SGCD: variants seen among roughly 807,000 people sequenced by gnomAD.
SGCD encodes the protein delta-sarcoglycan.
SGCD carries 18 observed loss-of-function variants against 36.6 expected under a neutral mutation model. The observed-to-expected ratio is 0.49, with a 90% CI of 0.34 to 0.73. The LOEUF is 0.73. SGCD is among the 30% of genes least tolerant of loss of function. SGCD has a pLI of 0.01. For synonymous variants in SGCD, 133 were observed against 130.6 expected (o/e 1.02, Z -0.12); for missense variants, 387 against 346.7 (o/e 1.12, Z -0.92).
At chr5:156,459,025 A>G (rs1433953832) in intron 3 of SGCD, among the ~76,000 whole-genome samples, 2 of 152,180 alleles carry the variant, frequency 1.3e-5, no homozygotes, top group South Asian at 2.1e-4. Flanking sequence ...CTTATTTTTC[A>G]TTCAACAGAA....
At chr5:155,894,419 G>A (rs115592135) in intron 1 of SGCD, among the ~76,000 whole-genome samples, 2,170 of 152,278 alleles carry the variant, frequency 0.014, 23 homozygotes, top group Non-Finnish European at 0.022. Flanking sequence ...TGTCACACGA[G>A]CCTTTGAGAT....
At chr5:156,498,407 T>A (rs1756296791) in intron 3 of SGCD, among the ~76,000 whole-genome samples, 1 of 152,168 alleles carries the variant, frequency 6.6e-6, no homozygotes, top group Admixed American at 6.6e-5. Flanking sequence ...TTCTGTCACC[T>A]CAGTAAAATC....
intron 1 of SGCD, among the ~76,000 whole-genome samples, chr5:155,873,805 G>A (rs1408361619): frequency 6.6e-6 from 1 of 151,968 alleles, no homozygotes; most frequent in Non-Finnish European, 1.5e-5. Context: ...CTCACCAGGG[G>A]GAAAAGTACT....
At chr5:156,542,562 C>A (rs1359079389) in intron 4 of SGCD, among the ~76,000 whole-genome samples, 1 of 152,158 alleles carries the variant, frequency 6.6e-6, no homozygotes, top group Non-Finnish European at 1.5e-5. Flanking sequence ...AGGCAATATG[C>A]ATTATACATA....
chr5:156,606,694 C>T (rs192371024), intron 6 of SGCD, among the ~76,000 whole-genome samples: 308 of 152,264 alleles, frequency 2.0e-3, no homozygotes, highest in African/African-American at 7.0e-3. Context: ...AAATGTTCTT[C>T]CATTTCTTTG....
intron 3 of SGCD, among the ~76,000 whole-genome samples, chr5:156,489,605 A>G (rs1755849612): frequency 1.3e-5 from 2 of 152,158 alleles, no homozygotes; most frequent in African/African-American, 4.8e-5. Flanking sequence ...TGGAAATTAA[A>G]CAACATGCTT....
intron 7 of SGCD, among the ~76,000 whole-genome samples, chr5:156,745,320 TC>T (rs1456881254): frequency 1.3e-5 from 2 of 152,168 alleles, no homozygotes; most frequent in Non-Finnish European, 2.9e-5. Context: ...CTTGATAACT[TC>T]AAACTGGCCT....
the SGCD span, among the ~76,000 whole-genome samples, chr5:155,768,686 T>G: frequency 6.6e-6 from 1 of 152,140 alleles, no homozygotes; most frequent in South Asian, 2.1e-4. Flanking sequence ...GAAAATCACT[T>G]GTCTCCTAGA....
intron 3 of SGCD, among the ~76,000 whole-genome samples, chr5:156,290,006 G>T (rs1766715267): frequency 6.6e-6 from 1 of 152,056 alleles, no homozygotes. Context: ...TATAGGCAGG[G>T]GCAATTAGAG....
chr5:156,332,954 C>T (rs1272027662), intron 2 of SGCD, among the ~76,000 whole-genome samples: 1 of 152,100 alleles, frequency 6.6e-6, no homozygotes, highest in African/African-American at 2.4e-5. Context: ...TAAATTATTC[C>T]TCAATAGATG....
At chr5:156,255,835 T>G (rs1237073830) in intron 3 of SGCD, among the ~76,000 whole-genome samples, 1 of 152,140 alleles carries the variant, frequency 6.6e-6, no homozygotes, top group Admixed American at 6.5e-5. Context: ...GTAGTATTTT[T>G]TTCTATTTTA....
chr5:155,941,266 C>T (rs1757320798), intron 1 of SGCD, among the ~76,000 whole-genome samples: 1 of 152,198 alleles, frequency 6.6e-6, no homozygotes, highest in Non-Finnish European at 1.5e-5. Flanking sequence ...TGCCTGATCT[C>T]CCACACTGTT....
intron 3 of SGCD, among the ~76,000 whole-genome samples, chr5:156,127,557 C>T (rs778501566): frequency 2.6e-5 from 4 of 152,074 alleles, no homozygotes; most frequent in Non-Finnish European, 4.4e-5. Flanking sequence ...TTTGAGGTTA[C>T]AGTGAGATAT....
At chr5:156,106,109 C>CA (rs1159337817) in intron 1 of SGCD, among the ~76,000 whole-genome samples, 3,239 of 34,950 alleles carry the variant, frequency 0.093, 710 homozygotes, top group Non-Finnish European at 0.12. Flanking sequence ...GACTCTGCCT[C>CA]AAAAAAAAAA....
At chr5:156,206,904 T>TC (rs1317934423) in intron 3 of SGCD, among the ~76,000 whole-genome samples, 3 of 152,122 alleles carry the variant, frequency 2.0e-5, no homozygotes, top group Middle Eastern at 3.4e-3. Flanking sequence ...TATTTTTTTT[T>TC]CCCCTGCACA....
intron 7 of SGCD, among the ~76,000 whole-genome samples, chr5:156,707,710 G>T (rs1754802411): frequency 6.6e-6 from 1 of 152,154 alleles, no homozygotes; most frequent in Non-Finnish European, 1.5e-5. Context: ...AATCAATAAT[G>T]ATAGACACTC....
the SGCD span, among the ~76,000 whole-genome samples, chr5:155,820,574 G>A: frequency 3.3e-5 from 5 of 152,168 alleles, no homozygotes; most frequent in Admixed American, 2.6e-4. Context: ...GTGTATGCCT[G>A]TAGTTCCAGC....
intron 7 of SGCD, among the ~76,000 whole-genome samples, chr5:156,746,785 T>C (rs1756954385): frequency 6.6e-6 from 1 of 152,204 alleles, no homozygotes; most frequent in Admixed American, 6.5e-5. Context: ...GAAGAATATC[T>C]TTGTGACCTT....
chr5:156,591,700 C>A (rs1760727670), intron 5 of SGCD, among the ~76,000 whole-genome samples: 1 of 152,148 alleles, frequency 6.6e-6, no homozygotes, highest in South Asian at 2.1e-4. Flanking sequence ...GGGATTAATT[C>A]AAGATTAGTT....
Sources: gnomAD v4.1 joint callset for allele counts (sites outside exome capture counted in the v4.1 genomes callset) on GRCh38, gnomAD v4.1.1 for gene constraint, MANE v1.5 for transcripts, NCBI Gene and HGNC (gene_info 2026-07-23, HGNC 2026-07-21) for gene names.